Variants in STK3 observed in about 807,000 individuals in gnomAD.
STK3 encodes serine/threonine-protein kinase 3.
Under a neutral mutation model 58.0 loss-of-function variants are expected in STK3, and 41 were observed. The ratio of observed to expected loss-of-function variants is 0.71; its 90% CI spans 0.55 to 0.92. The LOEUF (loss-of-function observed/expected upper bound fraction) is 0.92. Among genes scored for constraint, STK3 ranks in the 40% least tolerant of loss-of-function variants. STK3 has a pLI of 0.00. For synonymous variants in STK3, 170 were observed against 191.0 expected (o/e 0.89, Z 0.91); for missense variants, 479 against 602.7 (o/e 0.79, Z 2.15).
intron 10 of STK3, among the ~76,000 whole-genome samples, chr8:98,506,369 C>A (rs982903022): frequency 1.2e-4 from 18 of 152,166 alleles, no homozygotes; most frequent in African/African-American, 4.1e-4. Flanking sequence ...TGAGGTGATG[C>A]CCTGCCCTGC....
At chr8:98,545,345 A>C (rs992124006) in intron 9 of STK3, among the ~76,000 whole-genome samples, 2 of 152,222 alleles carry the variant, frequency 1.3e-5, no homozygotes, top group Non-Finnish European at 2.9e-5. Context: ...GGGAATGAGG[A>C]GGCCTTAGGG....
intron 4 of STK3, among the ~76,000 whole-genome samples, chr8:98,740,929 G>A (rs1829149143): frequency 6.6e-6 from 1 of 151,958 alleles, no homozygotes; most frequent in Non-Finnish European, 1.5e-5. Context: ...AACAAAAAAA[G>A]GCAGGGGTTG....
rs190631422 is a variant in STK3, at chr8:98,896,765, G to A, written c.-78-12931C>T. Among the ~76,000 whole-genome samples the A allele has an allele frequency of 2.8e-3, 422 of 152,210 alleles. 4 individuals carry two copies. Among genetic ancestry groups the A allele is most frequent in the African/African-American group, 9.7e-3 (403 of 41,536 alleles). On this transcript the variant is annotated intron_variant, in intron 1 of 1. Coordinates refer to the STK3 transcript ENST00000519420. ...AGGCAGAGGCTGGTGGATCACTTGA[G>A]GTCAGGAGTTTGAGACCAGCCTGGG...
intron 3 of STK3, among the ~76,000 whole-genome samples, chr8:98,858,351 G>C (rs1419976847): frequency 7.3e-6 from 1 of 137,374 alleles, no homozygotes; most frequent in Non-Finnish European, 1.6e-5. Context: ...GAGAGAGAGA[G>C]AGAGAGAGAC....
At chr8:98,447,548 C>CTATA (rs139329925) in intron 1 of STK3, among the ~76,000 whole-genome samples, 78 of 143,492 alleles carry the variant, frequency 5.4e-4, no homozygotes, top group African/African-American at 1.8e-3. Context: ...TGCATATATA[C>CTATA]TATATATATA....
At chr8:98,351,696 G>T in the STK3 span, among the ~76,000 whole-genome samples, 1 of 152,146 alleles carries the variant, frequency 6.6e-6, no homozygotes, top group African/African-American at 2.4e-5. Context: ...TAGAAACAAT[G>T]ATCAACCTAG....
At chr8:98,795,404 A>C (rs1833090669) in intron 1 of STK3, among the ~76,000 whole-genome samples, 1 of 151,514 alleles carries the variant, frequency 6.6e-6, no homozygotes, top group African/African-American at 2.4e-5. Flanking sequence ...AAACAGTAAG[A>C]GCCATCTATG....
chr8:98,355,599 G>A, the STK3 span, among the ~76,000 whole-genome samples: 10 of 152,192 alleles, frequency 6.6e-5, no homozygotes, highest in Non-Finnish European at 1.3e-4. Context: ...CACCCCAAGA[G>A]GGCATCTGCT....
intron 2 of STK3, among the ~76,000 whole-genome samples, chr8:98,378,347 C>T (rs762785204): frequency 3.9e-5 from 6 of 152,196 alleles, no homozygotes; most frequent in Admixed American, 2.6e-4. Context: ...TCAGAACACT[C>T]TACTTGCCTC....
chr8:98,631,585 A>T (rs933694499), intron 6 of STK3, among the ~76,000 whole-genome samples: 1 of 152,160 alleles, frequency 6.6e-6, no homozygotes, highest in Middle Eastern at 3.4e-3. Flanking sequence ...TCACAAACAT[A>T]TCTGTCATTC....
intron 2 of STK3, among the ~76,000 whole-genome samples, chr8:98,372,561 C>G (rs1670520649): frequency 3.4e-5 from 5 of 148,974 alleles, no homozygotes; most frequent in Admixed American, 2.7e-4. Flanking sequence ...TTCCCCTTAA[C>G]TCTTGGCTCT....
At chr8:98,469,459 G>A (rs573237072) in intron 10 of STK3, among the ~76,000 whole-genome samples, 2 of 152,292 alleles carry the variant, frequency 1.3e-5, no homozygotes, top group East Asian at 3.9e-4. Flanking sequence ...CAAGGCTTTG[G>A]TTTTATCCTC....
chr8:98,500,846 T>C (rs1055005430), intron 10 of STK3, among the ~76,000 whole-genome samples: 1 of 152,202 alleles, frequency 6.6e-6, no homozygotes. Context: ...CTTTTGCTAT[T>C]GTGAATAGTG....
At chr8:98,886,336 T>A (rs1837990645) in intron 1 of STK3, among the ~76,000 whole-genome samples, 1 of 152,214 alleles carries the variant, frequency 6.6e-6, no homozygotes, top group Admixed American at 6.5e-5. Context: ...ACACGAAACC[T>A]CCACATGACA....
At chr8:98,811,016 C>T (rs1389297104) in intron 1 of STK3, among the ~76,000 whole-genome samples, 9 of 152,314 alleles carry the variant, frequency 5.9e-5, no homozygotes, top group East Asian at 1.9e-4. Flanking sequence ...GATGCTGCTG[C>T]CATGCTTGTA....
At chr8:98,422,260 G>A (rs892800071) in intron 3 of STK3, among the ~76,000 whole-genome samples, 19 of 152,202 alleles carry the variant, frequency 1.2e-4, no homozygotes, top group Middle Eastern at 3.4e-3. Flanking sequence ...CATTTGTAAC[G>A]TGCAGCAAAA....
At chr8:98,851,009 C>A (rs911525411) in intron 3 of STK3, among the ~76,000 whole-genome samples, 3 of 152,128 alleles carry the variant, frequency 2.0e-5, no homozygotes, top group Non-Finnish European at 4.4e-5. Flanking sequence ...AAGTCAGAAG[C>A]TCACCTGGCA....
chr8:98,916,137 C>T lies in STK3; in HGVS notation c.-79+26241G>A, dbSNP rs535817436. Among the ~76,000 whole-genome samples the T allele has an allele frequency of 1.4e-3, 208 of 152,192 alleles. 1 individual carries two copies. Among genetic ancestry groups the T allele is most frequent in the Non-Finnish European group, 2.2e-3 (149 of 68,022 alleles). On this transcript the variant is annotated intron_variant, in intron 1 of 1. Transcript: ENST00000519420. ...GTTTAAAAAAATACGAAAACTGGCC[C>T]GTCGTGGTGGCTCACGCCTGTAATC...
intron 3 of STK3, among the ~76,000 whole-genome samples, chr8:98,760,548 G>A (rs1830554892): frequency 1.3e-5 from 2 of 152,170 alleles, no homozygotes; most frequent in African/African-American, 2.4e-5. Flanking sequence ...AGGAAGCAGA[G>A]GTGAAATATG....
Sources: allele counts gnomAD v4.1 joint callset (sites outside exome capture counted in the v4.1 genomes callset), GRCh38; gene constraint gnomAD v4.1.1; transcripts MANE v1.5; gene names NCBI Gene and HGNC (gene_info 2026-07-23, HGNC 2026-07-21).